The following SAXO2 variants were observed in gnomAD, a reference collection of about 807,000 sequenced individuals.
SAXO2 encodes the protein stabilizer of axonemal microtubules 2, also known as family with sequence similarity 154, member B.
A neutral mutation model predicts 18.7 loss-of-function variants in SAXO2; 17 were observed. The observed-to-expected ratio is 0.91, with a 90% CI of 0.62 to 1.36. The LOEUF is 1.36. SAXO2 is among the 40% of genes most tolerant of loss of function. The pLI is 0.00. For missense variants in SAXO2, 486 were observed against 562.6 expected (o/e 0.86, Z 1.38); for synonymous variants, 163 against 181.2 (o/e 0.90, Z 0.81).
Position 82,283,199 on chromosome 15 carries a change from T to C in SAXO2, c.*137T>C. On this transcript the variant is annotated 3_prime_UTR_variant, in exon 4 of 4. Transcript: ENST00000682753. ...TTAAACAAGAAAATTGGAAAATATATTATAAGAAATCAGAATCTTAAAACC... is the reference window on the plus strand; with the variant it reads ...TTAAACAAGAAAATTGGAAAATATACTATAAGAAATCAGAATCTTAAAACC... 1.8e-6 allele frequency: 1 copy of C among 545,044 alleles called. No homozygotes were observed. The highest frequency in any genetic ancestry group is 2.9e-6 in the Non-Finnish European group (1 of 349,364). 33.8% of individuals were successfully genotyped at this position (545,044 alleles called of 1,614,324 possible).
chr15:82,273,903 A>G (rs1418474865), intron 3 of SAXO2, among the ~76,000 whole-genome samples: 1 of 151,778 alleles, frequency 6.6e-6, no homozygotes, highest in Admixed American at 6.6e-5. Context: ...ACGCCTGGCT[A>G]ATTTTTGTAT....
At chr15:82,270,267 G>T (rs1307735166) in intron 2 of SAXO2, among the ~76,000 whole-genome samples, 8 of 152,158 alleles carry the variant, frequency 5.3e-5, no homozygotes, top group African/African-American at 1.7e-4. Flanking sequence ...ATTTAATGAT[G>T]GAGTAGAGGT....
At chr15:82,269,370 C>T (rs1285704053) in intron 2 of SAXO2, among the ~76,000 whole-genome samples, 2 of 151,942 alleles carry the variant, frequency 1.3e-5, no homozygotes, top group Non-Finnish European at 2.9e-5. Flanking sequence ...AAATGCATTC[C>T]AAGTAGAGAG....
Position 82,271,566 on chromosome 15 carries a change from A to C in SAXO2, c.234-37A>C, listed in dbSNP as rs752086624. On this transcript the variant is annotated intron_variant, in intron 2 of 3. Coordinates refer to ENST00000682753, the MANE Select transcript of SAXO2 (RefSeq NM_001348699.2). ...TCATTGAAATAATTAGGAATAAAAG[A>C]ACTTGTGAGGCTATGTTTCAAATTT... 2.6e-5 allele frequency: 39 copies of C among 1,506,420 alleles called. No individual in the cohort carries two copies. The East Asian group carries it at 7.7e-4, about 30-fold the overall frequency. The allele number at this position is 1,506,420 out of a possible 1,614,324, so 93.3% of individuals were successfully genotyped here. A position where few individuals can be genotyped will look rare whatever the true frequency, so the allele number is the denominator to read the frequency against.
Position 82,284,631 on chromosome 15 carries a change from A to C in SAXO2, c.*1569A>C, listed in dbSNP as rs1054408975. 6.6e-6 allele frequency: 1 copy of C among 152,240 alleles called. No individual in the cohort carries two copies. Among genetic ancestry groups the C allele is most frequent in the African/African-American group, 2.4e-5 (1 of 41,456 alleles). The allele number at this position is 152,240 out of a possible 1,614,324, so 9.4% of individuals were successfully genotyped here. The stretch of plus-strand genomic sequence containing the variant: ...AAGTATAGTAGAAACACTCTATTGC[A>C]TTTATAAATGCTAAAAATTTCCGAA... On this transcript the variant is annotated 3_prime_UTR_variant, in exon 4 of 4. Transcript: ENST00000682753.
intron 1 of SAXO2, 74 bp downstream of exon 1, chr15:82,263,006 C>G: frequency 6.4e-7 from 1 of 1,552,600 alleles, no homozygotes; most frequent in Non-Finnish European, 8.7e-7. Context: ...GGAGCCGGCT[C>G]CTCGGGAACC....
intron 2 of SAXO2, 141 bp downstream of exon 2, chr15:82,265,889 C>T: frequency 2.2e-6 from 1 of 447,162 alleles, no homozygotes; most frequent in East Asian, 3.9e-5. Flanking sequence ...AGTTAAGTCA[C>T]AACTTGAAAA....
At chr15:82,264,981 A>G (rs991777598) in intron 1 of SAXO2, 11 of 529,256 alleles carry the variant, frequency 2.1e-5, no homozygotes, top group African/African-American at 1.5e-4. Flanking sequence ...CTGCAAGAGC[A>G]TGGGAAATTC....
chr15:82,267,525 G>A (rs1436295302), intron 2 of SAXO2, among the ~76,000 whole-genome samples: 1 of 152,140 alleles, frequency 6.6e-6, no homozygotes, highest in Non-Finnish European at 1.5e-5. Flanking sequence ...ACAAGTTGAA[G>A]TTCCTGCTTT....
chr15:82,276,211 A>G (rs1372619607), intron 3 of SAXO2, among the ~76,000 whole-genome samples: 2 of 152,128 alleles, frequency 1.3e-5, no homozygotes, highest in Non-Finnish European at 2.9e-5. Context: ...AGATCTCTAC[A>G]TGGAGAAGGA....
chr15:82,272,627 C>T lies in SAXO2; in HGVS notation c.433+825C>T, dbSNP rs145348365. 3.8e-4 allele frequency among the ~76,000 whole-genome samples: 58 copies of T among 151,822 alleles called. No individual in the cohort carries two copies. In the East Asian group the frequency reaches 6.2e-3, roughly 16 times the overall value. On this transcript the variant is annotated intron_variant, in intron 3 of 3. Coordinates refer to ENST00000682753, the MANE Select transcript of SAXO2 (RefSeq NM_001348699.2). ...CACGATCTTGGCCCACTGCAACCTCCACCTCCTGGGTTAAAGCAATTCTCC... is the reference window on the plus strand; with the variant it reads ...CACGATCTTGGCCCACTGCAACCTCTACCTCCTGGGTTAAAGCAATTCTCC...
chr15:82,272,763 G>A (rs1303554597), intron 3 of SAXO2, among the ~76,000 whole-genome samples: 4 of 148,282 alleles, frequency 2.7e-5, no homozygotes, highest in African/African-American at 5.0e-5. Flanking sequence ...GGCTGGTCAC[G>A]AACTCCTGAC....
At chr15:82,275,277 C>G (rs2075304361) in intron 3 of SAXO2, among the ~76,000 whole-genome samples, 1 of 47,502 alleles carries the variant, frequency 2.1e-5, no homozygotes, top group African/African-American at 7.7e-5. Context: ...AGAAACCTAT[C>G]AACCAAAAAA....
Position 82,268,763 on chromosome 15 carries a change from C to T in SAXO2, c.234-2840C>T, listed in dbSNP as rs144697978. On this transcript the variant is annotated intron_variant, in intron 2 of 3. Coordinates refer to ENST00000682753, the MANE Select transcript of SAXO2 (RefSeq NM_001348699.2). ...GAGTTGGCAGGAAGCCTGCCCTGAA[C>T]GAGTAGGATTCTAGACACATCAAAT... Among the ~76,000 whole-genome samples, 47 of 152,302 alleles carry T rather than the reference C, an allele frequency of 3.1e-4. No individual in the cohort carries two copies. In the East Asian group the frequency reaches 4.2e-3, roughly 14 times the overall value.
chr15:82,269,437 C>G (rs1194858199), intron 2 of SAXO2, among the ~76,000 whole-genome samples: 1 of 152,118 alleles, frequency 6.6e-6, no homozygotes, highest in Non-Finnish European at 1.5e-5. Context: ...CAAAGAAAGC[C>G]AGGTGGAGCA....
At position 82,284,901 on chromosome 15, in the gene SAXO2, C is replaced by A. The variant is rs2075397572; in HGVS notation, c.*1839C>A. On this transcript the variant is annotated 3_prime_UTR_variant, in exon 4 of 4. Coordinates refer to ENST00000682753, the MANE Select transcript of SAXO2 (RefSeq NM_001348699.2). ...ATATTTCCATGCAACATAATAAAAT[C>A]AATAAAAGGAATGGATTTTCAAGAA... is the stretch of plus-strand genomic sequence containing the variant. 1 of 151,942 alleles carries A rather than the reference C, an allele frequency of 6.6e-6. No individual in the cohort carries two copies. Among genetic ancestry groups the A allele is most frequent in the South Asian group, 2.1e-4 (1 of 4,812 alleles). 9.4% of individuals were successfully genotyped at this position (151,942 alleles called of 1,614,324 possible).
intron 3 of SAXO2, among the ~76,000 whole-genome samples, chr15:82,275,375 A>G (rs2075306502): frequency 6.7e-6 from 1 of 149,768 alleles, no homozygotes; most frequent in African/African-American, 2.4e-5. Flanking sequence ...TACCAATCCT[A>G]GTGAAAGTAT....
In SAXO2 at chr15:82,282,816, C is replaced by T. The variant is rs1158987630; in HGVS notation, c.1131C>T (p.Ser377=). The T allele has an allele frequency of 6.8e-6, 11 of 1,613,824 alleles. No individual in the cohort carries two copies. The highest frequency in any genetic ancestry group is 9.3e-6 in the Non-Finnish European group (11 of 1,179,920). Residue 377 remains serine (S), a synonymous_variant, in exon 4 of 4, where the codon AGC becomes AGT. Transcript: ENST00000682753. The part of the protein sequence containing the change: ...PNPSGKFDGL[S]TFRSHYVPHE... ...CATCTGGAAAATTTGATGGTTTGAGCACTTTCAGATCTCACTATGTGCCAC... is the reference window on the plus strand; with the variant it reads ...CATCTGGAAAATTTGATGGTTTGAGTACTTTCAGATCTCACTATGTGCCAC...
At chr15:82,265,993 A>G (rs1194598280) in intron 2 of SAXO2, among the ~76,000 whole-genome samples, 1 of 152,062 alleles carries the variant, frequency 6.6e-6, no homozygotes, top group African/African-American at 2.4e-5. Flanking sequence ...ACTTCTTAAA[A>G]TATCTCATAT....
Sources: gnomAD v4.1 joint callset for allele counts (sites outside exome capture counted in the v4.1 genomes callset) on GRCh38, gnomAD v4.1.1 for gene constraint, MANE v1.5 for transcripts, NCBI Gene and HGNC (gene_info 2026-07-23, HGNC 2026-07-21) for gene names.